UNC13C: variants seen among roughly 807,000 people sequenced by gnomAD.
The protein encoded by UNC13C is unc-13 homolog C.
A neutral mutation model predicts 245.4 loss-of-function variants in UNC13C; 174 were observed. That is an observed-to-expected ratio of 0.71 (90% confidence interval 0.63 to 0.80). The LOEUF (loss-of-function observed/expected upper bound fraction) is 0.80. UNC13C is among the 30% of genes least tolerant of loss of function. The pLI, the probability that UNC13C is intolerant of heterozygous loss-of-function variation, is 0.00. For synonymous variants in UNC13C, 992 were observed against 895.1 expected (o/e 1.11, Z -1.93); for missense variants, 2,829 against 2,602.9 (o/e 1.09, Z -1.89).
chr15:53,863,507 C>A, the UNC13C span, among the ~76,000 whole-genome samples: 1 of 152,132 alleles, frequency 6.6e-6, no homozygotes, highest in East Asian at 1.9e-4. Context: ...GTTATACAGG[C>A]ACAACAGATT....
Position 54,179,614 on chromosome 15 carries a change from G to T in UNC13C, c.3071+35930G>T, listed in dbSNP as rs148747845. Among the ~76,000 whole-genome samples, 455 of 152,132 alleles carry T rather than the reference G, an allele frequency of 3.0e-3. 3 individuals are homozygous for T. Among genetic ancestry groups the T allele is most frequent in the Non-Finnish European group, 5.2e-3 (356 of 67,950 alleles). Reference sequence around the variant, plus strand: ...AGAAAGAATACTAATTAAAGAAAAAGAAAATATCAGTATATGAGCTACAGC... The same window carrying T: ...AGAAAGAATACTAATTAAAGAAAAATAAAATATCAGTATATGAGCTACAGC... On this transcript the variant is annotated intron_variant, in intron 4 of 32. Coordinates refer to ENST00000260323, the MANE Select transcript of UNC13C (RefSeq NM_001080534.3).
At chr15:54,367,077 C>G (rs141676731) in intron 17 of UNC13C, among the ~76,000 whole-genome samples, 67 of 152,234 alleles carry the variant, frequency 4.4e-4, no homozygotes, top group African/African-American at 1.6e-3. Flanking sequence ...TGACATGACA[C>G]TTATTTATTA....
intron 4 of UNC13C, among the ~76,000 whole-genome samples, chr15:54,187,055 C>G (rs922601278): frequency 2.0e-5 from 3 of 151,836 alleles, no homozygotes; most frequent in African/African-American, 7.3e-5. Context: ...ACCATGTTGG[C>G]CAGGCTGGTT....
the UNC13C span, among the ~76,000 whole-genome samples, chr15:53,900,762 C>T: frequency 6.6e-6 from 1 of 152,234 alleles, no homozygotes; most frequent in African/African-American, 2.4e-5. Context: ...GAGAGTTCAA[C>T]AGATCTGGGT....
chr15:53,975,980 T>G (rs1893681953), upstream of UNC13C, among the ~76,000 whole-genome samples: 2 of 152,224 alleles, frequency 1.3e-5, no homozygotes, highest in South Asian at 4.1e-4. Flanking sequence ...AGAAACAGAA[T>G]GCATCTTACT....
chr15:54,447,262 C>A (rs1027944265), intron 19 of UNC13C, among the ~76,000 whole-genome samples: 1 of 150,132 alleles, frequency 6.7e-6, no homozygotes, highest in East Asian at 2.0e-4. Flanking sequence ...CTCTGCCAGG[C>A]TTTGGTATCA....
chr15:54,559,425 C>A (rs1897213465), intron 29 of UNC13C, among the ~76,000 whole-genome samples: 1 of 151,950 alleles, frequency 6.6e-6, no homozygotes, highest in Non-Finnish European at 1.5e-5. Context: ...ACAAGTATAG[C>A]TTTTGCCTTG....
intron 17 of UNC13C, among the ~76,000 whole-genome samples, chr15:54,390,745 T>C (rs1296194456): frequency 6.6e-6 from 1 of 152,110 alleles, no homozygotes; most frequent in Non-Finnish European, 1.5e-5. Context: ...TAAGGTTAAA[T>C]GCCCTATTAG....
intron 2 of UNC13C, among the ~76,000 whole-genome samples, chr15:54,094,881 A>T (rs996835527): frequency 1.3e-5 from 2 of 152,156 alleles, no homozygotes; most frequent in African/African-American, 2.4e-5. Flanking sequence ...TGTTCCACTG[A>T]TATGGCCAAG....
At chr15:54,546,907 G>A (rs752619204) in intron 27 of UNC13C, 62 bp downstream of exon 27, 3 of 1,409,314 alleles carry the variant, frequency 2.1e-6, no homozygotes, top group Middle Eastern at 3.5e-4. Context: ...TAAGTGAATG[G>A]TTTTCATCCA....
At chr15:54,176,429 T>A (rs2033617891) in intron 4 of UNC13C, among the ~76,000 whole-genome samples, 2 of 152,184 alleles carry the variant, frequency 1.3e-5, no homozygotes, top group Admixed American at 1.3e-4. Flanking sequence ...CTTTTTGAGA[T>A]CTGGCTTACC....
At chr15:54,260,830 C>T (rs5027653) in intron 8 of UNC13C, among the ~76,000 whole-genome samples, 84,797 of 150,330 alleles carry the variant, frequency 0.56, 25,549 homozygotes, top group African/African-American at 0.78. Context: ...TTTGTAGATA[C>T]TATCTATAGA....
At chr15:53,895,090 G>T in the UNC13C span, among the ~76,000 whole-genome samples, 4 of 151,890 alleles carry the variant, frequency 2.6e-5, no homozygotes, top group East Asian at 3.9e-4. Context: ...GAGGCTGGGC[G>T]TGGTGGCTCA....
chr15:54,277,992 A>G (rs1011316732), intron 10 of UNC13C, among the ~76,000 whole-genome samples: 6 of 152,146 alleles, frequency 3.9e-5, no homozygotes, highest in African/African-American at 1.4e-4. Context: ...AGTCAGAGAG[A>G]AACAATCCCC....
chr15:54,247,016 A>G (rs910863580), intron 7 of UNC13C, among the ~76,000 whole-genome samples: 4 of 152,176 alleles, frequency 2.6e-5, no homozygotes, highest in African/African-American at 7.2e-5. Flanking sequence ...TGCTTGTTCT[A>G]GGAATCTCCA....
chr15:53,992,050 A>G (rs1894416214), intron 1 of UNC13C, among the ~76,000 whole-genome samples: 1 of 152,026 alleles, frequency 6.6e-6, no homozygotes, highest in Admixed American at 6.6e-5. Flanking sequence ...CGTTTTCCAT[A>G]CTATTTCTTA....
intron 18 of UNC13C, among the ~76,000 whole-genome samples, chr15:54,399,974 A>G (rs190457431): frequency 1.3e-5 from 2 of 152,130 alleles, no homozygotes; most frequent in African/African-American, 2.4e-5. Flanking sequence ...AAGTACAGAG[A>G]CTATGCAGTA....
the UNC13C span, among the ~76,000 whole-genome samples, chr15:53,932,791 T>C: frequency 2.0e-5 from 3 of 152,222 alleles, no homozygotes. Flanking sequence ...TTAAGTCCCA[T>C]GCATACTTAG....
intron 4 of UNC13C, among the ~76,000 whole-genome samples, chr15:54,224,028 G>A (rs1354567704): frequency 6.6e-6 from 1 of 152,044 alleles, no homozygotes; most frequent in Non-Finnish European, 1.5e-5. Flanking sequence ...AATTCTAACA[G>A]TTTTTTGGTG....
Sources: allele counts gnomAD v4.1 joint callset (sites outside exome capture counted in the v4.1 genomes callset), GRCh38; gene constraint gnomAD v4.1.1; transcripts MANE v1.5; gene names NCBI Gene and HGNC (gene_info 2026-07-23, HGNC 2026-07-21).